Variants in PCYT1A observed in about 807,000 individuals in gnomAD.
PCYT1A encodes the protein phosphate cytidylyltransferase 1A, choline.
Under a neutral mutation model 43.7 loss-of-function variants are expected in PCYT1A, and 25 were observed. That is an observed-to-expected ratio of 0.57 (90% CI 0.42 to 0.80). The LOEUF (loss-of-function observed/expected upper bound fraction) is 0.80. Among genes scored for constraint, PCYT1A ranks in the 30% least tolerant of loss-of-function variants. The probability of loss-of-function intolerance (pLI) is 0.00; values close to 1 mark genes in which losing one functional copy is unlikely to be tolerated. For synonymous variants in PCYT1A, 172 were observed against 170.7 expected, an observed-to-expected ratio of 1.01 and a Z score of -0.06; for missense variants, 421 against 474.2, an observed-to-expected ratio of 0.89 and a Z score of 1.04.
At chr3:196,255,677 A>C (rs1724930194) in intron 3 of PCYT1A, among the ~76,000 whole-genome samples, 1 of 152,178 alleles carries the variant, frequency 6.6e-6, no homozygotes, top group African/African-American at 2.4e-5. Context: ...CTGGTTGACA[A>C]GCGAGACTCT....
chr3:196,245,950 CAAAA>C (rs113177220), intron 5 of PCYT1A, among the ~76,000 whole-genome samples: 4 of 106,298 alleles, frequency 3.8e-5, no homozygotes, highest in Non-Finnish European at 4.1e-5. Flanking sequence ...AACTCTGTCT[CAAAA>C]AAAAAAAAAA....
chr3:196,240,324 C>A (rs1379814035), intron 7 of PCYT1A, among the ~76,000 whole-genome samples: 1 of 152,150 alleles, frequency 6.6e-6, no homozygotes, highest in African/African-American at 2.4e-5. Context: ...GTCTTACCAA[C>A]TTTGCTAAAG....
chr3:196,238,684 A>C lies in PCYT1A; in HGVS notation c.*4T>G, dbSNP rs760014001. On this transcript the variant is annotated 3_prime_UTR_variant, in exon 9 of 9. Transcript: ENST00000431016. ...AGGGAGGACAGGAAAGGAGGGAGGA[A>C]ACATTAGTCTTCTTCATCCTCACTG... 1 of 1,504,454 alleles carries C rather than the reference A, an allele frequency of 6.6e-7. No homozygotes were observed. Among genetic ancestry groups the C allele is most frequent in the South Asian group, 1.3e-5 (1 of 77,236 alleles). The allele number at this position is 1,504,454 out of a possible 1,614,324, so 93.2% of individuals were successfully genotyped here. A position where few individuals can be genotyped will look rare whatever the true frequency, so the allele number is the denominator to read the frequency against.
Position 196,268,509 on chromosome 3 carries a change from C to A in PCYT1A, c.117+1906G>T, listed in dbSNP as rs148270985. On this transcript the variant is annotated intron_variant, in intron 2 of 8. Coordinates refer to ENST00000431016, the MANE Select transcript of PCYT1A (RefSeq NM_001312673.2). This position sits in a 1 kb window ranked among gnomAD's most constrained non-coding sequence, Gnocchi z 4.4. ...GGCAAAAGAGACTCTGCAGGCCAGG[C>A]ACAGTGGCTCACGCCTGGTAATCCT... Among the ~76,000 whole-genome samples the A allele has an allele frequency of 6.6e-6, 1 of 152,268 alleles. No individual in the cohort carries two copies. Among genetic ancestry groups the A allele is most frequent in the African/African-American group, 2.4e-5 (1 of 41,564 alleles).
chr3:196,244,487 G>A (rs537181458), intron 5 of PCYT1A, among the ~76,000 whole-genome samples: 149 of 150,220 alleles, frequency 9.9e-4, no homozygotes, highest in African/African-American at 3.1e-3. Context: ...GAGCGTCTCC[G>A]CCCGGCAGCC....
At chr3:196,248,014 C>G (rs961974858) in intron 4 of PCYT1A, 193 bp downstream of exon 4, 7 of 588,218 alleles carry the variant, frequency 1.2e-5, no homozygotes, top group African/African-American at 7.4e-5. Flanking sequence ...CCAGATGGCA[C>G]AGTCGAGGAG....
Position 196,277,001 on chromosome 3 carries a change from A to G in PCYT1A, c.-10-6460T>C, listed in dbSNP as rs1289145735. On this transcript the variant is annotated intron_variant, in intron 1 of 8. Transcript: ENST00000431016. This position sits in a 1 kb window ranked among gnomAD's most constrained non-coding sequence, Gnocchi z 4.1. ...TCCTGGCACTTTGAGAGGCCAAGGC[A>G]GGCGAATCACCTGAGGTCTGGAGTT... 1.3e-5 allele frequency among the ~76,000 whole-genome samples: 2 copies of G among 151,954 alleles called. No individual in the cohort carries two copies. Among genetic ancestry groups the G allele is most frequent in the Admixed American group, 6.6e-5 (1 of 15,254 alleles).
chr3:196,260,050 C>T (rs1259820143), intron 2 of PCYT1A, among the ~76,000 whole-genome samples: 1 of 148,212 alleles, frequency 6.7e-6, no homozygotes, highest in East Asian at 2.1e-4. Flanking sequence ...AGCCTCCCAA[C>T]TAGCTGGGAT....
Position 196,237,922 on chromosome 3 carries a change from C to T in PCYT1A, c.*766G>A, listed in dbSNP as rs1340815251. On this transcript the variant is annotated 3_prime_UTR_variant, in exon 9 of 9. Coordinates refer to ENST00000431016, the MANE Select transcript of PCYT1A (RefSeq NM_001312673.2). ...ATGGCACGAAAGAGACTGACAAAAG[C>T]TCCCAAAGAACTGGGTCACAGAGTT... The T allele has an allele frequency of 1.3e-5, 2 of 152,244 alleles. No individual in the cohort carries two copies. The highest frequency in any genetic ancestry group is 6.5e-5 in the Admixed American group (1 of 15,280). The allele number at this position is 152,244 out of a possible 1,614,324, so 9.4% of individuals were successfully genotyped here.
intron 3 of PCYT1A, among the ~76,000 whole-genome samples, chr3:196,251,943 T>A (rs1177318675): frequency 1.3e-5 from 2 of 152,220 alleles, no homozygotes; most frequent in Non-Finnish European, 2.9e-5. Context: ...AGGGTCTGGC[T>A]CTGTCACCCT....
At chr3:196,285,450 C>T (rs1372950683) in intron 1 of PCYT1A, among the ~76,000 whole-genome samples, 3 of 149,802 alleles carry the variant, frequency 2.0e-5, no homozygotes, top group African/African-American at 7.3e-5. Flanking sequence ...CAGAGTGAGA[C>T]TCTGTCTCAA....
In PCYT1A at chr3:196,265,230, A is replaced by AT. The variant is rs560285746; in HGVS notation, c.117+5184dup. On this transcript the variant is annotated intron_variant, in intron 2 of 8. Transcript: ENST00000431016. The stretch of plus-strand genomic sequence containing the variant: ...AGGCGCACATCACCATGCCCAGCTA[A>AT]TTTTTTTTTGTATTTTTAGTAGAAA... Among the ~76,000 whole-genome samples, 1,084 of 150,218 alleles carry AT rather than the reference A, an allele frequency of 7.2e-3. 15 individuals carry two copies. Among genetic ancestry groups the AT allele is most frequent in the African/African-American group, 0.025 (1,023 of 40,950 alleles).
rs1025496709 is a variant in PCYT1A at position 196,252,442 on chromosome 3, T to C, written c.218-4119A>G. 2.0e-5 allele frequency among the ~76,000 whole-genome samples: 3 copies of C among 152,186 alleles called. No individual in the cohort carries two copies. The highest frequency in any genetic ancestry group is 4.4e-5 in the Non-Finnish European group (3 of 68,028). On this transcript the variant is annotated intron_variant, in intron 3 of 8. Coordinates refer to ENST00000431016, the MANE Select transcript of PCYT1A (RefSeq NM_001312673.2). The surrounding 1 kb of genome is among the most constrained non-coding windows in gnomAD (Gnocchi z 4.0). ...TTTGTATTTTTATATTCGTATCCCA[T>C]GTTGGCCAGGCTGGTCTCAATTTCC...
chr3:196,263,151 A>C (rs974104326), intron 2 of PCYT1A, among the ~76,000 whole-genome samples: 1 of 152,124 alleles, frequency 6.6e-6, no homozygotes, highest in African/African-American at 2.4e-5. Flanking sequence ...AAAAACATTT[A>C]TTTCCCTTTC....
At chr3:196,249,290 A>G (rs1158220565) in intron 3 of PCYT1A, among the ~76,000 whole-genome samples, 2 of 149,120 alleles carry the variant, frequency 1.3e-5, no homozygotes, top group Non-Finnish European at 1.5e-5. Flanking sequence ...GGGACCACAG[A>G]TGGACACCAC....
rs561832057 is a variant in PCYT1A, at chr3:196,250,889, C to A, written c.218-2566G>T. ...GAGGTTGAGGATCAGATACACTATG[C>A]TGAGGCTGAGGACCAGATACACCAT... On this transcript the variant is annotated intron_variant, in intron 3 of 8. Transcript: ENST00000431016. Among the ~76,000 whole-genome samples the A allele has an allele frequency of 3.6e-3, 539 of 149,532 alleles. 4 individuals carry two copies. Among genetic ancestry groups the A allele is most frequent in the African/African-American group, 0.013 (514 of 40,316 alleles).
chr3:196,275,434 C>G (rs181605167), intron 1 of PCYT1A, among the ~76,000 whole-genome samples: 1 of 152,276 alleles, frequency 6.6e-6, no homozygotes, highest in African/African-American at 2.4e-5. Flanking sequence ...TACAAAAATT[C>G]AGTTTTGAAA....
chr3:196,250,204 AGAGGACCAGGTACACCATGCCGAGGCT>A lies in PCYT1A; in HGVS notation c.218-1908_218-1882del, dbSNP rs1560166196. On this transcript the variant is annotated intron_variant, in intron 3 of 8. Transcript: ENST00000431016. Reference sequence around the variant, plus strand: ...AGGACCAGGTACACCATGCCGAGGCAGAGGACCAGGTACACCATGCCGAGGCTGAGGACCAGGTACACCATGCCGAGG... The same window carrying A: ...AGGACCAGGTACACCATGCCGAGGCAGAGGACCAGGTACACCATGCCGAGG... Among the ~76,000 whole-genome samples the A allele has an allele frequency of 2.3e-4, 16 of 71,026 alleles. 1 individual carries two copies. The highest frequency in any genetic ancestry group is 5.1e-4 in the African/African-American group (10 of 19,668). 46.6% of individuals were successfully genotyped at this position (71,026 alleles called of 152,430 possible). A position where few individuals can be genotyped will look rare whatever the true frequency, so the allele number is the denominator to read the frequency against.
intron 3 of PCYT1A, among the ~76,000 whole-genome samples, chr3:196,256,366 T>G (rs1334519630): frequency 1.3e-5 from 2 of 150,710 alleles, no homozygotes; most frequent in Non-Finnish European, 3.0e-5. Flanking sequence ...GGTGCACACC[T>G]GTAATCCCAG....
Sources: gnomAD v4.1 joint callset for allele counts (sites outside exome capture counted in the v4.1 genomes callset) on GRCh38, gnomAD v4.1.1 for gene constraint, Gnocchi (gnomAD v3.1) non-coding constraint, MANE v1.5 for transcripts, NCBI Gene and HGNC (gene_info 2026-07-23, HGNC 2026-07-21) for gene names.